DHX35: variants seen among roughly 807,000 people sequenced by gnomAD.
DHX35 encodes the protein DEAH-box helicase 35.
A neutral mutation model predicts 99.6 loss-of-function variants in DHX35; 84 were observed. That is an observed-to-expected ratio of 0.84 (90% CI 0.71 to 1.01). DHX35 has a LOEUF of 1.01. DHX35 is among the 50% of genes least tolerant of loss of function. DHX35 has a pLI of 0.00. For synonymous variants in DHX35, 331 were observed against 316.2 expected, an observed-to-expected ratio of 1.05 and a Z score of -0.50; for missense variants, 852 against 888.5, an observed-to-expected ratio of 0.96 and a Z score of 0.52.
intron 15 of DHX35, among the ~76,000 whole-genome samples, chr20:39,021,638 TG>T (rs745988330): frequency 9.2e-5 from 14 of 152,122 alleles, no homozygotes; most frequent in Non-Finnish European, 1.9e-4. Flanking sequence ...CATACCACCA[TG>T]CCTGGCTAAT....
intron 7 of DHX35, among the ~76,000 whole-genome samples, chr20:38,993,271 G>A (rs1464170845): frequency 2.0e-5 from 3 of 152,242 alleles, no homozygotes; most frequent in Admixed American, 6.5e-5. Flanking sequence ...CTAGCCACCT[G>A]TAGCTATTGA....
At chr20:39,004,319 C>A (rs1036026101) in intron 11 of DHX35, among the ~76,000 whole-genome samples, 11 of 152,118 alleles carry the variant, frequency 7.2e-5, no homozygotes, top group African/African-American at 2.4e-4. Context: ...CCCACCTTGG[C>A]CTCCCAAAGT....
chr20:39,004,008 A>G (rs1053510800), intron 11 of DHX35, 101 bp downstream of exon 11: 15 of 1,341,806 alleles, frequency 1.1e-5, no homozygotes, highest in Non-Finnish European at 1.4e-5. Flanking sequence ...GCAGACTTCT[A>G]GGTCCATATT....
At position 38,988,906 on chromosome 20, in the gene DHX35, A is replaced by C; in HGVS notation, c.439A>C (p.Thr147Pro). The change falls in exon 5 of 22, where the codon ACG (threonine) becomes CCG (proline). Residue 147 changes from threonine to proline, a missense_variant. Transcript: ENST00000252011. ...RFDDCTDQLA[T>P]RIKFLTDGML... ...TGATGACTGCACCGACCAGCTGGCC[A>C]CGAGAATTAAGGTAAAGTGCTCAAG... The C allele has an allele frequency of 6.2e-7, 1 of 1,612,782 alleles. No individual in the cohort carries two copies. The highest frequency in any genetic ancestry group is 8.5e-7 in the Non-Finnish European group (1 of 1,179,052).
intron 15 of DHX35, among the ~76,000 whole-genome samples, chr20:39,019,588 CAAAT>C (rs768982649): frequency 2.0e-5 from 3 of 152,034 alleles, no homozygotes; most frequent in Non-Finnish European, 4.4e-5. Context: ...TTTTAATTGA[CAAAT>C]AATAATTGTA....
At chr20:39,031,435 C>T (rs183701797) in intron 20 of DHX35, among the ~76,000 whole-genome samples, 1 of 151,884 alleles carries the variant, frequency 6.6e-6, no homozygotes, top group Non-Finnish European at 1.5e-5. Context: ...CTCCCAGGTC[C>T]ACGTGATTCT....
At chr20:38,972,454 T>A (rs2145838634) in intron 2 of DHX35, 105 bp from the exon 3 acceptor site, 1 of 723,034 alleles carries the variant, frequency 1.4e-6, no homozygotes, top group South Asian at 1.7e-5. Flanking sequence ...CTACTTAAAA[T>A]TCACTTTCCT....
At chr20:39,001,247 C>CA (rs2086515320) in intron 8 of DHX35, among the ~76,000 whole-genome samples, 5 of 152,160 alleles carry the variant, frequency 3.3e-5, no homozygotes, top group Non-Finnish European at 7.3e-5. Context: ...TGGCCTAAAA[C>CA]CAGTAACAAT....
At position 38,972,519 on chromosome 20, in the gene DHX35, C is replaced by A. The variant is rs759448324; in HGVS notation, c.175-40C>A. On this transcript the variant is annotated intron_variant, in intron 2 of 21. Transcript: ENST00000252011. ...ATATCGTTGTTTAGGTCTTTTGAGA[C>A]AATGTATGGCTATTTGCAAGGTGTG... is the stretch of plus-strand genomic sequence containing the variant. 4.6e-6 allele frequency: 6 copies of A among 1,316,266 alleles called. No homozygotes were observed. The African/African-American group carries it at 7.3e-5, about 16-fold the overall frequency. The allele number at this position is 1,316,266 out of a possible 1,614,324, so 81.5% of individuals were successfully genotyped here.
At chr20:38,971,948 A>G (rs1303425833) in intron 2 of DHX35, among the ~76,000 whole-genome samples, 1 of 150,560 alleles carries the variant, frequency 6.6e-6, no homozygotes, top group Non-Finnish European at 1.5e-5. Flanking sequence ...ATGTCTTTGT[A>G]CACATATAGT....
chr20:39,002,924 A>G, intron 10 of DHX35, 56 bp downstream of exon 10: 11 of 1,407,600 alleles, frequency 7.8e-6, no homozygotes, highest in African/African-American at 1.4e-5. Flanking sequence ...ACCAAAAGTA[A>G]TACAGAGCCT....
rs193035205 is a variant in DHX35 at position 38,989,000 on chromosome 20, C to T, written c.450+83C>T. 1,696 of 1,462,888 alleles carry T rather than the reference C, an allele frequency of 1.2e-3. 4 individuals are homozygous for T. Among genetic ancestry groups the T allele is most frequent in the South Asian group, 2.6e-3 (216 of 81,990 alleles). 90.6% of individuals were successfully genotyped at this position (1,462,888 alleles called of 1,614,324 possible). A position where few individuals can be genotyped will look rare whatever the true frequency, so the allele number is the denominator to read the frequency against. On this transcript the variant is annotated intron_variant, in intron 5 of 21. Coordinates refer to ENST00000252011, the MANE Select transcript of DHX35 (RefSeq NM_021931.4). ...AATTAAAAACATGTAGTCCTTGCTG[C>T]TGTACAGGACATTGATACCATGGCA... is the stretch of plus-strand genomic sequence containing the variant.
intron 17 of DHX35, among the ~76,000 whole-genome samples, chr20:39,024,746 A>G (rs113604544): frequency 2.6e-5 from 4 of 152,380 alleles, no homozygotes; most frequent in African/African-American, 9.6e-5. Flanking sequence ...CATAATGATC[A>G]TACTTATGAA....
intron 21 of DHX35, among the ~76,000 whole-genome samples, chr20:39,037,179 G>T (rs2087167662): frequency 6.6e-6 from 1 of 152,194 alleles, no homozygotes; most frequent in Non-Finnish European, 1.5e-5. Flanking sequence ...TAAGGCCGTG[G>T]ATATCTAACA....
At chr20:38,978,413 C>T (rs900681799) in intron 3 of DHX35, 6 of 659,710 alleles carry the variant, frequency 9.1e-6, no homozygotes, top group Admixed American at 2.0e-5. Context: ...GTGTCCATCA[C>T]ATCTTTCATG....
chr20:39,001,707 A>G, intron 8 of DHX35, 23 bp from the exon 9 acceptor site: 1 of 1,560,114 alleles, frequency 6.4e-7, no homozygotes. Context: ...AGAGAAATGA[A>G]GAATTAATTT....
intron 1 of DHX35, among the ~76,000 whole-genome samples, chr20:38,964,419 G>GT (rs2085880097): frequency 6.6e-6 from 1 of 151,780 alleles, no homozygotes; most frequent in South Asian, 2.1e-4. Context: ...AGACTTCACT[G>GT]TTTTTTTGTT....
intron 8 of DHX35, among the ~76,000 whole-genome samples, chr20:39,001,158 T>C (rs2086513241): frequency 1.3e-5 from 2 of 152,262 alleles, no homozygotes; most frequent in African/African-American, 2.4e-5. Context: ...ACATGATTGA[T>C]GGCCTACCCC....
chr20:39,038,897 ACAC>A lies in DHX35; in HGVS notation c.*357_*359del. On this transcript the variant is annotated 3_prime_UTR_variant, in exon 22 of 22. Transcript: ENST00000252011. ...GGAAAGTTAGCCACTGAAGGCCAAA[ACAC>A]CATGTGGGGTGGACAGAGGGTTTGC... 3.0e-6 allele frequency: 1 copy of A among 331,970 alleles called. No homozygotes were observed. The allele number at this position is 331,970 out of a possible 1,614,324, so 20.6% of individuals were successfully genotyped here. A position where few individuals can be genotyped will look rare whatever the true frequency, so the allele number is the denominator to read the frequency against.
Sources: gnomAD v4.1 joint callset for allele counts (sites outside exome capture counted in the v4.1 genomes callset) on GRCh38, gnomAD v4.1.1 for gene constraint, MANE v1.5 for transcripts, NCBI Gene and HGNC (gene_info 2026-07-23, HGNC 2026-07-21) for gene names.